TNR: variants seen among roughly 807,000 people sequenced by gnomAD.
The protein encoded by TNR is tenascin-R.
TNR carries 45 observed loss-of-function variants against 150.4 expected under a neutral mutation model. That is an observed-to-expected ratio of 0.30 (90% CI 0.24 to 0.38). The LOEUF (loss-of-function observed/expected upper bound fraction) is 0.38. TNR is among the 10% of genes least tolerant of loss of function. The pLI, the probability that TNR is intolerant of heterozygous loss-of-function variation, is 1.00. For missense variants in TNR, 1,544 were observed against 1,759.1 expected, an observed-to-expected ratio of 0.88 and a Z score of 2.19; for synonymous variants, 687 against 678.4, an observed-to-expected ratio of 1.01 and a Z score of -0.20.
At chr1:175,457,233 C>T (rs1656607375) in intron 2 of TNR, among the ~76,000 whole-genome samples, 1 of 152,226 alleles carries the variant, frequency 6.6e-6, no homozygotes, top group Non-Finnish European at 1.5e-5. Flanking sequence ...CATGCACCGG[C>T]TACTGGTCGG....
At chr1:175,501,369 T>C (rs1041059913) in intron 2 of TNR, among the ~76,000 whole-genome samples, 3 of 152,176 alleles carry the variant, frequency 2.0e-5, no homozygotes, top group African/African-American at 4.8e-5. Context: ...CCCCTGCCAA[T>C]AGCCAGCAAG....
chr1:175,413,827 T>G (rs1654317436), intron 2 of TNR, among the ~76,000 whole-genome samples: 1 of 152,104 alleles, frequency 6.6e-6, no homozygotes, highest in South Asian at 2.1e-4. Flanking sequence ...ATGGGATTAG[T>G]GCCCTTATAA....
intron 1 of TNR, among the ~76,000 whole-genome samples, chr1:175,552,544 T>C (rs1022968453): frequency 6.6e-6 from 1 of 152,230 alleles, no homozygotes; most frequent in African/African-American, 2.4e-5. Context: ...TAGAGGCTGA[T>C]TGGCTTATTC....
At chr1:175,717,632 A>G (rs549698279) in intron 1 of TNR, among the ~76,000 whole-genome samples, 1 of 152,336 alleles carries the variant, frequency 6.6e-6, no homozygotes, top group Non-Finnish European at 1.5e-5. Flanking sequence ...TAGAAAGTCA[A>G]TGCACTAAGG....
chr1:175,600,150 TTG>T (rs1378722343), intron 1 of TNR, among the ~76,000 whole-genome samples: 1 of 152,230 alleles, frequency 6.6e-6, no homozygotes, highest in East Asian at 1.9e-4. Flanking sequence ...CTTAACTCCC[TTG>T]TGTGTCAGAG....
At chr1:175,591,488 A>C (rs988038914) in intron 1 of TNR, among the ~76,000 whole-genome samples, 48 of 152,176 alleles carry the variant, frequency 3.2e-4, no homozygotes, top group African/African-American at 1.1e-3. Flanking sequence ...ATCTCTCCCC[A>C]ACCACTGCCG....
intron 2 of TNR, among the ~76,000 whole-genome samples, chr1:175,476,473 T>A (rs781624259): frequency 6.6e-6 from 1 of 152,214 alleles, no homozygotes; most frequent in Non-Finnish European, 1.5e-5. Context: ...ATTGAGGTAC[T>A]ACTTTGAGCA....
rs142800228 is a variant in TNR, at chr1:175,486,371, C to T, written c.-64+41898G>A. 1.3e-3 allele frequency among the ~76,000 whole-genome samples: 203 copies of T among 151,584 alleles called. 1 individual carries two copies. Among genetic ancestry groups the T allele is most frequent in the East Asian group, 0.01 (53 of 5,138 alleles). On this transcript the variant is annotated intron_variant, in intron 2 of 22. Transcript: ENST00000367674. ...ACTCCCACTTGTGAGTGAGAACATGCGGTGTTTGGTTTTCTGTTCTTGTGT... is the reference window on the plus strand; with the variant it reads ...ACTCCCACTTGTGAGTGAGAACATGTGGTGTTTGGTTTTCTGTTCTTGTGT...
intron 1 of TNR, among the ~76,000 whole-genome samples, chr1:175,626,663 G>A (rs1389478957): frequency 6.6e-6 from 1 of 152,186 alleles, no homozygotes; most frequent in East Asian, 1.9e-4. Flanking sequence ...TTATACATAT[G>A]TCTTATTTAT....
intron 2 of TNR, among the ~76,000 whole-genome samples, chr1:175,431,405 T>C (rs969087848): frequency 1.3e-5 from 2 of 152,220 alleles, no homozygotes; most frequent in African/African-American, 4.8e-5. Context: ...GATAATAATG[T>C]AAAACAGATT....
At chr1:175,564,837 G>A (rs1160443086) in intron 1 of TNR, among the ~76,000 whole-genome samples, 1 of 152,194 alleles carries the variant, frequency 6.6e-6, no homozygotes, top group African/African-American at 2.4e-5. Context: ...CCCTCTGCCA[G>A]CTTCTTGTTC....
chr1:175,715,511 G>A (rs925162150), intron 1 of TNR, among the ~76,000 whole-genome samples: 1 of 151,994 alleles, frequency 6.6e-6, no homozygotes, highest in Non-Finnish European at 1.5e-5. Context: ...TCCTGTTCCT[G>A]GGCCCCAGGA....
At chr1:175,451,387 C>T (rs1326567758) in intron 2 of TNR, among the ~76,000 whole-genome samples, 1 of 152,120 alleles carries the variant, frequency 6.6e-6, no homozygotes, top group Non-Finnish European at 1.5e-5. Flanking sequence ...CACCCCACAA[C>T]AGGCCCTGGT....
At chr1:175,600,710 C>T (rs1052896089) in intron 1 of TNR, among the ~76,000 whole-genome samples, 2 of 152,210 alleles carry the variant, frequency 1.3e-5, no homozygotes, top group Non-Finnish European at 1.5e-5. Flanking sequence ...GCTATGTCTG[C>T]CTGGAGGAAG....
intron 2 of TNR, among the ~76,000 whole-genome samples, chr1:175,438,137 C>G (rs1349178882): frequency 6.6e-6 from 1 of 152,160 alleles, no homozygotes; most frequent in African/African-American, 2.4e-5. Flanking sequence ...CAATAAAATA[C>G]TGGAAAATAG....
chr1:175,570,719 C>A (rs1043729847), intron 1 of TNR, among the ~76,000 whole-genome samples: 1 of 151,942 alleles, frequency 6.6e-6, no homozygotes, highest in Non-Finnish European at 1.5e-5. Flanking sequence ...TTTCACAAAT[C>A]TATTCCTTAC....
chr1:175,584,380 G>A (rs1248171111), intron 1 of TNR, among the ~76,000 whole-genome samples: 1 of 152,140 alleles, frequency 6.6e-6, no homozygotes, highest in Non-Finnish European at 1.5e-5. Flanking sequence ...AAGAAGCAAG[G>A]GAGGATTCTC....
At chr1:175,521,780 TCTC>T (rs1447337765) in intron 2 of TNR, among the ~76,000 whole-genome samples, 1 of 152,298 alleles carries the variant, frequency 6.6e-6, no homozygotes, top group South Asian at 2.1e-4. Context: ...TTTTCTCTGG[TCTC>T]CTCCTCTCCC....
intron 18 of TNR, among the ~76,000 whole-genome samples, chr1:175,339,174 CAT>C: frequency 6.6e-6 from 1 of 152,288 alleles, no homozygotes; most frequent in African/African-American, 2.4e-5. Flanking sequence ...TGCTGGAACT[CAT>C]ATTTTCAGAT....
Sources: gnomAD v4.1 joint callset for allele counts (sites outside exome capture counted in the v4.1 genomes callset) on GRCh38, gnomAD v4.1.1 for gene constraint, MANE v1.5 for transcripts, NCBI Gene and HGNC (gene_info 2026-07-23, HGNC 2026-07-21) for gene names.